Variants in FAIM2 observed in about 807,000 individuals in gnomAD.
The protein encoded by FAIM2 is protein lifeguard 2.
Under a neutral mutation model 47.4 loss-of-function variants are expected in FAIM2, and 27 were observed. The observed-to-expected ratio is 0.57, with a 90% CI of 0.42 to 0.78. FAIM2 has a LOEUF of 0.78. FAIM2 is among the 30% of genes least tolerant of loss of function. FAIM2 has a pLI of 0.00. For missense variants in FAIM2, 311 were observed against 389.4 expected (o/e 0.80, Z 1.69); for synonymous variants, 156 against 159.3 (o/e 0.98, Z 0.16).
At position 49,868,536 on chromosome 12, in the gene FAIM2, C is replaced by T. The variant is rs918620675; in HGVS notation, c.*1968G>A. The T allele has an allele frequency of 1.2e-4, 19 of 152,230 alleles. No individual in the cohort carries two copies. The highest frequency in any genetic ancestry group is 4.6e-4 in the African/African-American group (19 of 41,444). The allele number at this position is 152,230 out of a possible 1,614,324, so 9.4% of individuals were successfully genotyped here. On this transcript the variant is annotated 3_prime_UTR_variant, in exon 12 of 12. Transcript: ENST00000320634. The stretch of plus-strand genomic sequence containing the variant: ...CACTGAGGACAAGAAATCCCCAGGA[C>T]ATCAGGGCCTGACCACCCACCTCTC...
chr12:49,879,633 CGTGTATGTGT>C (rs1565614202), intron 11 of FAIM2, among the ~76,000 whole-genome samples: 1 of 131,028 alleles, frequency 7.6e-6, no homozygotes, highest in African/African-American at 2.9e-5. Context: ...TGTATATGTG[CGTGTATGTGT>C]GGGCATGTGA....
intron 11 of FAIM2, among the ~76,000 whole-genome samples, chr12:49,880,991 G>T (rs1946822231): frequency 2.0e-5 from 3 of 152,084 alleles, no homozygotes; most frequent in Admixed American, 2.0e-4. Context: ...AGGGCTCCAG[G>T]TCTCAGCCCT....
intron 2 of FAIM2, chr12:49,900,116 G>A: frequency 1.0e-6 from 1 of 961,384 alleles, no homozygotes; most frequent in African/African-American, 1.7e-5. Context: ...GGGCCGGCGG[G>A]TGTGTAGGGA....
chr12:49,893,021 T>C (rs1400041379), intron 5 of FAIM2, among the ~76,000 whole-genome samples: 1 of 152,172 alleles, frequency 6.6e-6, no homozygotes, highest in East Asian at 1.9e-4. Context: ...CAGGCAGTTA[T>C]CAAAGCTGCC....
At chr12:49,886,076 AC>A (rs1311567386) in intron 11 of FAIM2, among the ~76,000 whole-genome samples, 1 of 152,004 alleles carries the variant, frequency 6.6e-6, no homozygotes, top group Non-Finnish European at 1.5e-5. Context: ...AACTCTGGCC[AC>A]TTGAATTGAG....
At chr12:49,879,682 GTATC>G (rs1177114483) in intron 11 of FAIM2, among the ~76,000 whole-genome samples, 2 of 131,734 alleles carry the variant, frequency 1.5e-5, no homozygotes, top group African/African-American at 6.2e-5. Context: ...GTGCATGTGT[GTATC>G]TGTGTCTGTG....
At chr12:49,872,919 T>C (rs1946712898) in intron 11 of FAIM2, among the ~76,000 whole-genome samples, 2 of 152,242 alleles carry the variant, frequency 1.3e-5, no homozygotes, top group African/African-American at 4.8e-5. Context: ...ACTTAATGAA[T>C]GCTTGCTATT....
chr12:49,901,332 A>C lies in FAIM2; in HGVS notation c.16-7T>G. On this transcript the variant is annotated splice_polypyrimidine_tract_variant and splice_region_variant and intron_variant, in intron 1 of 11. Transcript: ENST00000320634. ...CCTTGTTAGCCACGGAGAGCTATGG[A>C]GTAGAGTCAGAGAGAGAGATAGTCA... 6.4e-7 allele frequency: 1 copy of C among 1,553,872 alleles called. No homozygotes were observed. Among genetic ancestry groups the C allele is most frequent in the Non-Finnish European group, 8.7e-7 (1 of 1,154,938 alleles).
At chr12:49,887,819 C>T (rs1946872463) in intron 10 of FAIM2, among the ~76,000 whole-genome samples, 1 of 152,164 alleles carries the variant, frequency 6.6e-6, no homozygotes, top group Non-Finnish European at 1.5e-5. Context: ...TAGGATCTGT[C>T]TGTCCTTGTG....
rs1441045182 is a variant in FAIM2, at chr12:49,867,505, G to A, written c.*2999C>T. ...CCCAGGTGATACCGAAGGAGCCATA[G>A]GTGTGCCCGGGAATGAGTCCCAGAC... is the stretch of plus-strand genomic sequence containing the variant. On this transcript the variant is annotated 3_prime_UTR_variant, in exon 12 of 12. Transcript: ENST00000320634. 1 of 152,198 alleles carries A rather than the reference G, an allele frequency of 6.6e-6. No homozygotes were observed. The highest frequency in any genetic ancestry group is 1.5e-5 in the Non-Finnish European group (1 of 68,062). 9.4% of individuals were successfully genotyped at this position (152,198 alleles called of 1,614,324 possible).
chr12:49,890,142 C>T lies in FAIM2; in HGVS notation c.538G>A (p.Ala180Thr). 1 of 1,614,056 alleles carries T rather than the reference C, an allele frequency of 6.2e-7. No homozygotes were observed. Among genetic ancestry groups the T allele is most frequent in the Non-Finnish European group, 8.5e-7 (1 of 1,179,932 alleles). The part of the protein sequence containing the change: ...ILLTVFTLSM[A>T]YLTGMLSSYY... ...CTGGACAGCATCCCAGTGAGGTAGG[C>T]CATGGACAGGGTCTGAAAGGAGAAG... Residue 180 changes from alanine (A) to threonine (T), a missense_variant, in exon 8 of 12, where the codon GCC becomes ACC. Ala to Thr is a moderately conservative substitution (Grantham distance 58). Transcript: ENST00000320634.
At chr12:49,893,230 CT>C (rs1946912950) in intron 5 of FAIM2, among the ~76,000 whole-genome samples, 1 of 152,182 alleles carries the variant, frequency 6.6e-6, no homozygotes, top group Non-Finnish European at 1.5e-5. Context: ...CCACCCACCC[CT>C]CTAGCCCTTC....
chr12:49,894,633 C>T (rs1324232978), intron 5 of FAIM2, among the ~76,000 whole-genome samples: 2 of 152,186 alleles, frequency 1.3e-5, no homozygotes, highest in Non-Finnish European at 2.9e-5. Flanking sequence ...GGAAGTAAGG[C>T]TCAGGTGCAG....
chr12:49,884,506 A>G (rs1946847204), intron 11 of FAIM2, among the ~76,000 whole-genome samples: 1 of 151,866 alleles, frequency 6.6e-6, no homozygotes, highest in Non-Finnish European at 1.5e-5. Flanking sequence ...TACTGATGAC[A>G]GAGAGAGAGA....
chr12:49,893,272 C>T (rs562048160), intron 5 of FAIM2, among the ~76,000 whole-genome samples: 22 of 152,184 alleles, frequency 1.4e-4, no homozygotes, highest in Non-Finnish European at 2.6e-4. Flanking sequence ...CCACTACACC[C>T]CTCTCATCAC....
intron 11 of FAIM2, among the ~76,000 whole-genome samples, chr12:49,878,084 ATG>A (rs1218014638): frequency 1.1e-4 from 13 of 123,312 alleles, no homozygotes; most frequent in South Asian, 2.6e-4. Flanking sequence ...TTATGTGTGC[ATG>A]TGAGTGCATG....
At chr12:49,884,825 T>C (rs1946850110) in intron 11 of FAIM2, among the ~76,000 whole-genome samples, 1 of 152,112 alleles carries the variant, frequency 6.6e-6, no homozygotes, top group East Asian at 1.9e-4. Flanking sequence ...ATACAAAAAA[T>C]TAGCAGGGCA....
intron 6 of FAIM2, 113 bp downstream of exon 6, chr12:49,890,951 G>T: frequency 1.8e-6 from 2 of 1,090,662 alleles, no homozygotes; most frequent in Non-Finnish European, 2.8e-6. Flanking sequence ...GCCCAGAGAG[G>T]GATGGGGCCC....
chr12:49,890,021 C>T, intron 8 of FAIM2, 96 bp downstream of exon 8: 7 of 1,256,070 alleles, frequency 5.6e-6, no homozygotes, highest in South Asian at 1.2e-5. Context: ...CATCCACATG[C>T]TCCCATGTGT....
Sources: allele counts gnomAD v4.1 joint callset (sites outside exome capture counted in the v4.1 genomes callset), GRCh38; gene constraint gnomAD v4.1.1; transcripts MANE v1.5; gene names NCBI Gene and HGNC (gene_info 2026-07-23, HGNC 2026-07-21).